MSRA: variants seen among roughly 807,000 people sequenced by gnomAD.
MSRA encodes mitochondrial peptide methionine sulfoxide reductase.
In MSRA, 54 loss-of-function variants were observed where a neutral mutation model predicts 31.3. The observed-to-expected ratio is 1.73, with a 90% CI of 1.39 to 2.17. MSRA has a LOEUF of 2.17. Among genes scored for constraint, MSRA ranks in the 30% most tolerant of loss-of-function variants. The pLI is 0.00. For missense variants in MSRA, 507 were observed against 300.9 expected (o/e 1.69, Z -5.07); for synonymous variants, 169 against 116.5 (o/e 1.45, Z -2.90).
intron 5 of MSRA, among the ~76,000 whole-genome samples, chr8:10,409,159 G>C (rs1237963036): frequency 6.6e-6 from 1 of 152,202 alleles, no homozygotes; most frequent in African/African-American, 2.4e-5. Flanking sequence ...TTTCCGTAGA[G>C]GTTGTGCTCA....
intron 1 of MSRA, among the ~76,000 whole-genome samples, chr8:10,132,941 G>T (rs1215858328): frequency 2.6e-5 from 4 of 152,178 alleles, no homozygotes; most frequent in African/African-American, 9.7e-5. Flanking sequence ...AGGCCAGAAG[G>T]TTCTACAATA....
At chr8:10,400,225 G>T (rs1439825946) in intron 5 of MSRA, among the ~76,000 whole-genome samples, 1 of 152,124 alleles carries the variant, frequency 6.6e-6, no homozygotes. Flanking sequence ...GATCGGGCTG[G>T]GGCAGGGAGA....
intron 2 of MSRA, among the ~76,000 whole-genome samples, chr8:10,235,755 C>A (rs539353403): frequency 6.6e-6 from 1 of 151,938 alleles, no homozygotes; most frequent in African/African-American, 2.4e-5. Context: ...AATTTTTTTT[C>A]TAATGCGGTG....
At chr8:10,236,537 C>T (rs1033742558) in intron 2 of MSRA, among the ~76,000 whole-genome samples, 1 of 152,070 alleles carries the variant, frequency 6.6e-6, no homozygotes, top group Non-Finnish European at 1.5e-5. Context: ...ATATGTAATA[C>T]AAATATTTAA....
chr8:10,400,103 C>G (rs1306343383), intron 5 of MSRA, among the ~76,000 whole-genome samples: 1 of 151,624 alleles, frequency 6.6e-6, no homozygotes, highest in Non-Finnish European at 1.5e-5. Context: ...AGGTGATAAA[C>G]CATTGTCATA....
At chr8:10,405,224 C>T (rs1807729789) in intron 5 of MSRA, among the ~76,000 whole-genome samples, 1 of 152,172 alleles carries the variant, frequency 6.6e-6, no homozygotes, top group African/African-American at 2.4e-5. Flanking sequence ...CCTCTCCCCT[C>T]TGTCAACCCT....
chr8:10,153,777 A>G (rs538588120), intron 1 of MSRA, among the ~76,000 whole-genome samples: 1 of 152,312 alleles, frequency 6.6e-6, no homozygotes, highest in South Asian at 2.1e-4. Flanking sequence ...AAGCCGTGCA[A>G]CAGCTTCAGA....
At chr8:10,266,781 A>G (rs879594001) in intron 3 of MSRA, among the ~76,000 whole-genome samples, 2 of 152,236 alleles carry the variant, frequency 1.3e-5, no homozygotes, top group Non-Finnish European at 2.9e-5. Context: ...TGTGTAATAT[A>G]GCAAAAGGCA....
chr8:10,074,214 C>T (rs779814882), intron 1 of MSRA, among the ~76,000 whole-genome samples: 2 of 151,414 alleles, frequency 1.3e-5, no homozygotes, highest in Non-Finnish European at 2.9e-5. Flanking sequence ...TCCCGAGTAC[C>T]TGGGACTACA....
intron 5 of MSRA, among the ~76,000 whole-genome samples, chr8:10,381,939 G>C (rs978622261): frequency 6.6e-6 from 1 of 152,224 alleles, no homozygotes; most frequent in African/African-American, 2.4e-5. Flanking sequence ...GTCAAGAGCA[G>C]ACTTCCAGAG....
At chr8:10,322,825 C>T (rs1414656297) in intron 5 of MSRA, among the ~76,000 whole-genome samples, 1 of 152,166 alleles carries the variant, frequency 6.6e-6, no homozygotes, top group African/African-American at 2.4e-5. Context: ...GGCACAGTGA[C>T]TCACGCCTCT....
At chr8:10,148,174 A>G (rs1260302957) in intron 1 of MSRA, among the ~76,000 whole-genome samples, 1 of 152,166 alleles carries the variant, frequency 6.6e-6, no homozygotes, top group African/African-American at 2.4e-5. Flanking sequence ...ATAATATTCT[A>G]TTTCTGGAAA....
At chr8:10,213,731 T>C (rs1809730900) in intron 2 of MSRA, among the ~76,000 whole-genome samples, 1 of 152,108 alleles carries the variant, frequency 6.6e-6, no homozygotes, top group Non-Finnish European at 1.5e-5. Context: ...CTTCTGTGGA[T>C]GGACACTTAG....
chr8:10,191,401 T>C (rs571836218), intron 1 of MSRA, among the ~76,000 whole-genome samples: 1 of 152,180 alleles, frequency 6.6e-6, no homozygotes, highest in African/African-American at 2.4e-5. Context: ...TGGAAAAACA[T>C]TTTTCTTCAT....
At chr8:10,333,055 G>T (rs1802798093) in intron 5 of MSRA, among the ~76,000 whole-genome samples, 1 of 147,776 alleles carries the variant, frequency 6.8e-6, no homozygotes, top group Non-Finnish European at 1.5e-5. Flanking sequence ...GGTTGATGGT[G>T]GAAGACAGCA....
chr8:10,329,116 A>G (rs1802544884), intron 5 of MSRA, among the ~76,000 whole-genome samples: 1 of 152,186 alleles, frequency 6.6e-6, no homozygotes, highest in South Asian at 2.1e-4. Context: ...TCCTCTCACT[A>G]CTTTGCCAAA....
intron 5 of MSRA, among the ~76,000 whole-genome samples, chr8:10,407,998 T>A (rs1010755668): frequency 2.0e-4 from 30 of 152,118 alleles, no homozygotes; most frequent in African/African-American, 6.0e-4. Context: ...GGTATAAACT[T>A]CTTAGAATTT....
intron 1 of MSRA, among the ~76,000 whole-genome samples, chr8:10,101,090 C>T (rs779763109): frequency 6.6e-6 from 1 of 152,180 alleles, no homozygotes; most frequent in Non-Finnish European, 1.5e-5. Flanking sequence ...AACAAATAGT[C>T]CTTTACCGTC....
At chr8:10,288,765 T>G (rs1468048968) in intron 3 of MSRA, among the ~76,000 whole-genome samples, 1 of 152,210 alleles carries the variant, frequency 6.6e-6, no homozygotes, top group East Asian at 1.9e-4. Flanking sequence ...TCCTGCCACA[T>G]CCTTCCTATG....
Sources: allele counts gnomAD v4.1 joint callset (sites outside exome capture counted in the v4.1 genomes callset), GRCh38; gene constraint gnomAD v4.1.1; transcripts MANE v1.5; gene names NCBI Gene and HGNC (gene_info 2026-07-23, HGNC 2026-07-21).